The following KCNAB1 variants were observed in gnomAD, a reference collection of about 807,000 sequenced individuals.
KCNAB1 encodes the protein potassium voltage-gated channel subfamily A regulatory beta subunit 1.
KCNAB1 carries 35 observed loss-of-function variants against 64.6 expected under a neutral mutation model. The ratio of observed to expected loss-of-function variants is 0.54; its 90% confidence interval spans 0.41 to 0.72. KCNAB1 has a LOEUF of 0.72. Among genes scored for constraint, KCNAB1 ranks in the 30% least tolerant of loss-of-function variants. The pLI, the probability that KCNAB1 is intolerant of heterozygous loss-of-function variation, is 0.00. For missense variants in KCNAB1, 401 were observed against 512.9 expected, an observed-to-expected ratio of 0.78 and a Z score of 2.11; for synonymous variants, 177 against 183.8, an observed-to-expected ratio of 0.96 and a Z score of 0.30.
chr3:156,388,814 A>G (rs1244763117), intron 1 of KCNAB1, among the ~76,000 whole-genome samples: 2 of 152,220 alleles, frequency 1.3e-5, no homozygotes, highest in Non-Finnish European at 2.9e-5. Flanking sequence ...TCTCTTGAGA[A>G]GCCCACAACA....
At position 156,290,277 on chromosome 3, in the gene KCNAB1, C is replaced by CT. The variant is rs1427677086; in HGVS notation, c.276-131333dup. Among the ~76,000 whole-genome samples the CT allele has an allele frequency of 2.0e-5, 3 of 152,270 alleles. No homozygotes were observed. In the East Asian group the frequency reaches 5.8e-4, roughly 29 times the overall value. ...TCCTTGAGGAGGGGGACAGTGCTTC[C>CT]TTTTTTCTCCATATTGATCTTCATT... On this transcript the variant is annotated intron_variant, in intron 1 of 13. Transcript: ENST00000490337.
chr3:156,267,630 C>T (rs533116763), intron 1 of KCNAB1, among the ~76,000 whole-genome samples: 17 of 152,276 alleles, frequency 1.1e-4, no homozygotes, highest in Admixed American at 3.9e-4. Context: ...CCCTGATAGA[C>T]AACTCAACCT....
intron 1 of KCNAB1, among the ~76,000 whole-genome samples, chr3:156,183,085 A>G (rs1249212232): frequency 2.6e-5 from 4 of 152,202 alleles, no homozygotes; most frequent in African/African-American, 9.6e-5. Flanking sequence ...TACTTCAAAA[A>G]TAACTAAATG....
At chr3:156,221,531 C>T (rs1560143781) in intron 1 of KCNAB1, among the ~76,000 whole-genome samples, 1 of 152,072 alleles carries the variant, frequency 6.6e-6, no homozygotes, top group African/African-American at 2.4e-5. Flanking sequence ...GTAATCCCAG[C>T]ACTTTGAGGG....
At chr3:156,421,494 G>A in intron 1 of KCNAB1, 122 bp from the exon 2 acceptor site, 12 of 888,480 alleles carry the variant, frequency 1.4e-5, no homozygotes, top group Non-Finnish European at 2.1e-5. Flanking sequence ...GCCGGCATCT[G>A]TGGTTCTGCC....
chr3:156,312,703 CAAAA>C (rs397991453), intron 1 of KCNAB1, among the ~76,000 whole-genome samples: 1,010 of 27,402 alleles, frequency 0.037, 9 homozygotes, highest in African/African-American at 0.11. Context: ...AGACTGTCTC[CAAAA>C]AAAAAAAAAA....
Position 156,198,913 on chromosome 3 carries a change from A to ATTTTT in KCNAB1, c.275+78053_275+78057dup, listed in dbSNP as rs71138701. Among the ~76,000 whole-genome samples, 42 of 21,286 alleles carry ATTTTT rather than the reference A, an allele frequency of 2.0e-3. 9 individuals are homozygous for ATTTTT. The highest frequency in any genetic ancestry group is 3.4e-3 in the African/African-American group (14 of 4,150). 14.0% of individuals were successfully genotyped at this position (21,286 alleles called of 152,430 possible). On this transcript the variant is annotated intron_variant, in intron 1 of 13. Transcript: ENST00000490337. Reference sequence around the variant, plus strand: ...TATTGTCATTGGTCTTTATATTTTGATTTTTTTTTTTTTTTTTTTTTTTTT... The same window carrying ATTTTT: ...TATTGTCATTGGTCTTTATATTTTGATTTTTTTTTTTTTTTTTTTTTTTTTTTTTT...
At position 156,404,217 on chromosome 3, in the gene KCNAB1, A is replaced by G. The variant is rs182569865; in HGVS notation, c.276-17399A>G. Among the ~76,000 whole-genome samples the G allele has an allele frequency of 9.8e-4, 150 of 152,332 alleles. No individual in the cohort carries two copies. In the Middle Eastern group the frequency reaches 0.017, roughly 17 times the overall value. ...GAAGGTCTCAAAGCACAATGACTGC[A>G]TAATAATTTTCTTTTTCACAAAACA... On this transcript the variant is annotated intron_variant, in intron 1 of 13. Coordinates refer to ENST00000490337, the MANE Select transcript of KCNAB1 (RefSeq NM_172160.3).
At chr3:156,423,540 G>A (rs931829124) in intron 2 of KCNAB1, among the ~76,000 whole-genome samples, 17 of 152,270 alleles carry the variant, frequency 1.1e-4, no homozygotes, top group African/African-American at 3.4e-4. Context: ...GAAGACATGC[G>A]GGACAGAAGA....
intron 1 of KCNAB1, among the ~76,000 whole-genome samples, chr3:156,417,823 T>C (rs537291861): frequency 3.3e-5 from 5 of 152,124 alleles, no homozygotes; most frequent in Non-Finnish European, 5.9e-5. Context: ...AGGTCAGCCA[T>C]GTATTCACCG....
In KCNAB1 at chr3:156,342,895, G is replaced by A. The variant is rs142045301; in HGVS notation, c.276-78721G>A. ...TGAGGTGCACAAGAATTCTTCCTGA[G>A]CACATAGATGTGAGCTATGGAATTA... On this transcript the variant is annotated intron_variant, in intron 1 of 13. Coordinates refer to ENST00000490337, the MANE Select transcript of KCNAB1 (RefSeq NM_172160.3). Among the ~76,000 whole-genome samples, 270 of 152,132 alleles carry A rather than the reference G, an allele frequency of 1.8e-3. 1 individual carries two copies. Among genetic ancestry groups the A allele is most frequent in the Middle Eastern group, 0.014 (4 of 292 alleles).
intron 1 of KCNAB1, among the ~76,000 whole-genome samples, chr3:156,247,205 G>A (rs1717509480): frequency 6.6e-6 from 1 of 152,168 alleles, no homozygotes; most frequent in South Asian, 2.1e-4. Flanking sequence ...TTAGTCTCCA[G>A]AAAGCTAGCC....
intron 1 of KCNAB1, among the ~76,000 whole-genome samples, chr3:156,361,898 G>T (rs1725637691): frequency 6.6e-6 from 1 of 152,194 alleles, no homozygotes; most frequent in Admixed American, 6.5e-5. Flanking sequence ...GGGCTCCAGT[G>T]ATCCTCTCAC....
chr3:156,500,821 G>C (rs538462985), intron 8 of KCNAB1, among the ~76,000 whole-genome samples: 1 of 152,256 alleles, frequency 6.6e-6, no homozygotes, highest in East Asian at 1.9e-4. Flanking sequence ...GTTTGTGGAA[G>C]TATCATCATC....
chr3:156,149,271 C>T (rs756746212), intron 1 of KCNAB1, among the ~76,000 whole-genome samples: 1 of 151,878 alleles, frequency 6.6e-6, no homozygotes, highest in Non-Finnish European at 1.5e-5. Flanking sequence ...ATAGTCCAAG[C>T]CTGACCTAAA....
At chr3:156,347,810 G>T (rs1724581520) in intron 1 of KCNAB1, among the ~76,000 whole-genome samples, 4 of 152,120 alleles carry the variant, frequency 2.6e-5, no homozygotes, top group Admixed American at 2.6e-4. Flanking sequence ...AAACTAATTT[G>T]GTACTTCTGT....
intron 4 of KCNAB1, among the ~76,000 whole-genome samples, chr3:156,458,344 T>G (rs1417555322): frequency 1.3e-5 from 2 of 152,238 alleles, no homozygotes; most frequent in Non-Finnish European, 2.9e-5. Flanking sequence ...CCTGGCCTCC[T>G]ACTGGGAACA....
chr3:156,226,006 T>C (rs879664352), intron 1 of KCNAB1, among the ~76,000 whole-genome samples: 1 of 152,114 alleles, frequency 6.6e-6, no homozygotes, highest in African/African-American at 2.4e-5. Flanking sequence ...AAGCAATCTA[T>C]AAATTCATTG....
chr3:156,393,736 T>C (rs1576810921), intron 1 of KCNAB1, among the ~76,000 whole-genome samples: 3 of 152,184 alleles, frequency 2.0e-5, no homozygotes, highest in East Asian at 3.9e-4. Context: ...TCTTCCTCCA[T>C]TCCCTCTTTC....
Sources: allele counts gnomAD v4.1 joint callset (sites outside exome capture counted in the v4.1 genomes callset), GRCh38; gene constraint gnomAD v4.1.1; transcripts MANE v1.5; gene names NCBI Gene and HGNC (gene_info 2026-07-23, HGNC 2026-07-21).